Variants in CHSY3 observed in about 807,000 individuals in gnomAD.
CHSY3 encodes N-acetylgalactosaminyl-proteoglycan 3-beta-glucuronosyltransferase 3.
In CHSY3, 35 loss-of-function variants were observed where a neutral mutation model predicts 67.2. The observed-to-expected ratio is 0.52, with a 90% CI of 0.40 to 0.69. The LOEUF is 0.69. Ranked by LOEUF, CHSY3 falls within the 30% of genes least tolerant of loss-of-function variation. CHSY3 has a pLI of 0.00. For missense variants in CHSY3, 1,069 were observed against 1,138.5 expected (o/e 0.94, Z 0.88); for synonymous variants, 474 against 434.7 (o/e 1.09, Z -1.12).
chr5:129,981,153 G>A (rs191588867), intron 2 of CHSY3, among the ~76,000 whole-genome samples: 4,948 of 151,832 alleles, frequency 0.033, 263 homozygotes, highest in African/African-American at 0.11. Context: ...CCCGGGGGGC[G>A]GAGCTTGCAG....
At chr5:130,077,859 G>T (rs1442518381) in intron 2 of CHSY3, among the ~76,000 whole-genome samples, 1 of 151,214 alleles carries the variant, frequency 6.6e-6, no homozygotes, top group East Asian at 1.9e-4. Flanking sequence ...TTTTTTGTGA[G>T]AATACATATT....
chr5:130,184,098 C>A, intron 2 of CHSY3, 131 bp from the exon 3 acceptor site: 1 of 748,110 alleles, frequency 1.3e-6, no homozygotes, highest in South Asian at 6.8e-5. Flanking sequence ...ATATTACAAA[C>A]CATTTTTGTT....
At chr5:130,008,865 C>T (rs1352751836) in intron 2 of CHSY3, among the ~76,000 whole-genome samples, 1 of 152,076 alleles carries the variant, frequency 6.6e-6, no homozygotes, top group Non-Finnish European at 1.5e-5. Flanking sequence ...GTAAAAATCT[C>T]AGAGCTTGAA....
chr5:130,016,074 A>G (rs1764211608), intron 2 of CHSY3, among the ~76,000 whole-genome samples: 1 of 152,166 alleles, frequency 6.6e-6, no homozygotes, highest in African/African-American at 2.4e-5. Flanking sequence ...TGACAACCTG[A>G]GCCTACTTGA....
chr5:130,010,648 G>T (rs1328253666), intron 2 of CHSY3, among the ~76,000 whole-genome samples: 2 of 152,128 alleles, frequency 1.3e-5, no homozygotes, highest in Middle Eastern at 3.2e-3. Context: ...GAGCTGAACA[G>T]AGTGAAATGG....
intron 2 of CHSY3, among the ~76,000 whole-genome samples, chr5:130,020,810 C>T (rs539064375): frequency 1.3e-5 from 2 of 152,232 alleles, no homozygotes; most frequent in South Asian, 4.2e-4. Flanking sequence ...CTCCTGTCCC[C>T]TACTCAGTCT....
At chr5:130,182,275 TTGAG>T (rs1225805664) in intron 2 of CHSY3, among the ~76,000 whole-genome samples, 1 of 152,152 alleles carries the variant, frequency 6.6e-6, no homozygotes, top group East Asian at 1.9e-4. Context: ...TATATGTCTA[TTGAG>T]TATTTGCATA....
intron 2 of CHSY3, among the ~76,000 whole-genome samples, chr5:130,060,006 C>T (rs551259990): frequency 1.3e-5 from 2 of 151,910 alleles, no homozygotes; most frequent in South Asian, 2.1e-4. Flanking sequence ...AAAACTGGTA[C>T]CGGTCTTACT....
rs567007761 is a variant in CHSY3, at chr5:129,977,531, T to C, written c.1086+69171T>C. On this transcript the variant is annotated intron_variant, in intron 2 of 2. Transcript: ENST00000305031. ...GTTAGCTTATCTGTAAGATGGTTTT[T>C]AAGATGTAGGAAGATAATAACTAAA... Among the ~76,000 whole-genome samples, 5 of 152,324 alleles carry C rather than the reference T, an allele frequency of 3.3e-5. No homozygotes were observed. In the South Asian group the frequency reaches 1.0e-3, roughly 32 times the overall value.
intron 2 of CHSY3, among the ~76,000 whole-genome samples, chr5:130,181,536 T>A (rs1337379700): frequency 6.6e-6 from 1 of 152,188 alleles, no homozygotes; most frequent in African/African-American, 2.4e-5. Flanking sequence ...TCTAATTCTA[T>A]GTGCATATAT....
Position 129,934,001 on chromosome 5 carries a change from G to A in CHSY3, c.1086+25641G>A, listed in dbSNP as rs187288040. ...GTTGCTTATGCATAACCTATCCTTT[G>A]ACCTAACAATGCCACTTTTAGTTAT... On this transcript the variant is annotated intron_variant, in intron 2 of 2. Transcript: ENST00000305031. Among the ~76,000 whole-genome samples, 243 of 151,964 alleles carry A rather than the reference G, an allele frequency of 1.6e-3. 1 individual carries two copies. Among genetic ancestry groups the A allele is most frequent in the Non-Finnish European group, 2.8e-3 (189 of 67,964 alleles).
At chr5:130,074,908 A>T (rs953903843) in intron 2 of CHSY3, among the ~76,000 whole-genome samples, 1 of 152,140 alleles carries the variant, frequency 6.6e-6, no homozygotes, top group Non-Finnish European at 1.5e-5. Context: ...TAAGCTTTTA[A>T]CTTAATTGCC....
At chr5:129,919,038 C>T (rs1173805799) in intron 2 of CHSY3, among the ~76,000 whole-genome samples, 6 of 125,908 alleles carry the variant, frequency 4.8e-5, no homozygotes, top group African/African-American at 1.9e-4. Context: ...ACCCGGGAGG[C>T]GGAGCTTGCC....
At chr5:129,998,510 TG>T (rs1763616855) in intron 2 of CHSY3, among the ~76,000 whole-genome samples, 1 of 152,138 alleles carries the variant, frequency 6.6e-6, no homozygotes, top group Non-Finnish European at 1.5e-5. Context: ...TAAAGTAAAA[TG>T]TTGGATAAAG....
chr5:129,919,602 G>A (rs1760850739), intron 2 of CHSY3, among the ~76,000 whole-genome samples: 1 of 152,132 alleles, frequency 6.6e-6, no homozygotes, highest in Non-Finnish European at 1.5e-5. Context: ...AAAACCATCA[G>A]ATCTTGTGAG....
intron 2 of CHSY3, among the ~76,000 whole-genome samples, chr5:130,173,248 G>T (rs1188443384): frequency 6.6e-6 from 1 of 152,022 alleles, no homozygotes; most frequent in Non-Finnish European, 1.5e-5. Context: ...AAAAGAGAGA[G>T]AGACAAGAGA....
chr5:130,130,592 A>T (rs994357417), intron 2 of CHSY3, among the ~76,000 whole-genome samples: 1 of 152,086 alleles, frequency 6.6e-6, no homozygotes, highest in African/African-American at 2.4e-5. Flanking sequence ...AGATGCCCCA[A>T]CTGTTGATGT....
At chr5:130,048,269 C>T (rs1466078186) in intron 2 of CHSY3, among the ~76,000 whole-genome samples, 3 of 151,962 alleles carry the variant, frequency 2.0e-5, no homozygotes, top group Non-Finnish European at 2.9e-5. Flanking sequence ...TCCAAGAACC[C>T]TCCACATCCA....
At chr5:129,971,715 G>T (rs540098450) in intron 2 of CHSY3, among the ~76,000 whole-genome samples, 2 of 151,982 alleles carry the variant, frequency 1.3e-5, no homozygotes, top group South Asian at 2.1e-4. Context: ...TAAAAAAATA[G>T]CTTTAGCCTT....
Sources: allele counts gnomAD v4.1 joint callset (sites outside exome capture counted in the v4.1 genomes callset), GRCh38; gene constraint gnomAD v4.1.1; transcripts MANE v1.5; gene names NCBI Gene and HGNC (gene_info 2026-07-23, HGNC 2026-07-21).